BBX: variants seen among roughly 807,000 people sequenced by gnomAD.
BBX encodes BBX high mobility group box domain containing.
A neutral mutation model predicts 100.2 loss-of-function variants in BBX; 30 were observed. The ratio of observed to expected loss-of-function variants is 0.30; its 90% CI spans 0.22 to 0.41. The LOEUF (loss-of-function observed/expected upper bound fraction) is 0.41, where lower values mean the gene tolerates loss of function less well. Ranked by LOEUF, BBX falls within the 10% of genes least tolerant of loss-of-function variation. The pLI, the probability that BBX is intolerant of heterozygous loss-of-function variation, is 1.00. For synonymous variants in BBX, 376 were observed against 388.1 expected, an observed-to-expected ratio of 0.97 and a Z score of 0.37; for missense variants, 1,023 against 1,129.8, an observed-to-expected ratio of 0.91 and a Z score of 1.35.
At chr3:107,768,556 C>T (rs2066581955) in intron 10 of BBX, among the ~76,000 whole-genome samples, 1 of 151,982 alleles carries the variant, frequency 6.6e-6, no homozygotes, top group Admixed American at 6.6e-5. Flanking sequence ...GTATAATACA[C>T]AGATGGAAGA....
intron 2 of BBX, among the ~76,000 whole-genome samples, chr3:107,605,076 A>G (rs980752468): frequency 8.5e-5 from 13 of 152,346 alleles, no homozygotes; most frequent in East Asian, 5.8e-4. Flanking sequence ...CACAATCAAA[A>G]TACATGATAA....
At chr3:107,710,764 T>C in intron 4 of BBX, 142 bp downstream of exon 4, 2 of 758,276 alleles carry the variant, frequency 2.6e-6, no homozygotes, top group Non-Finnish European at 4.1e-6. Flanking sequence ...TTAGTTTACA[T>C]TTTTATTCCA....
At chr3:107,560,828 TA>T (rs1488143370) in intron 2 of BBX, among the ~76,000 whole-genome samples, 1 of 152,158 alleles carries the variant, frequency 6.6e-6, no homozygotes, top group Non-Finnish European at 1.5e-5. Context: ...CGGGAATAGC[TA>T]GGAGGGAGGT....
At chr3:107,643,880 G>A (rs1412006628) in intron 2 of BBX, among the ~76,000 whole-genome samples, 1 of 152,120 alleles carries the variant, frequency 6.6e-6, no homozygotes, top group East Asian at 1.9e-4. Context: ...GCCTGTGATA[G>A]ACTTATCACA....
At chr3:107,670,619 G>GA (rs2058970540) in intron 3 of BBX, among the ~76,000 whole-genome samples, 1 of 152,018 alleles carries the variant, frequency 6.6e-6, no homozygotes, top group Non-Finnish European at 1.5e-5. Context: ...GAATGTTTAG[G>GA]AAAGAAGAGT....
chr3:107,683,042 G>C (rs1360933499), intron 3 of BBX, among the ~76,000 whole-genome samples: 1 of 152,122 alleles, frequency 6.6e-6, no homozygotes. Flanking sequence ...AAAAATATCA[G>C]TCAATGCATA....
At chr3:107,631,711 A>T (rs1157679116) in intron 2 of BBX, among the ~76,000 whole-genome samples, 1 of 152,124 alleles carries the variant, frequency 6.6e-6, no homozygotes, top group Non-Finnish European at 1.5e-5. Flanking sequence ...CAACCTGATG[A>T]CATTTCAGTT....
At chr3:107,608,082 C>T (rs1452247377) in intron 2 of BBX, among the ~76,000 whole-genome samples, 3 of 151,924 alleles carry the variant, frequency 2.0e-5, no homozygotes, top group African/African-American at 4.8e-5. Context: ...CCCATCTGTC[C>T]GTTTTCTCTT....
intron 7 of BBX, 142 bp downstream of exon 7, chr3:107,733,165 C>T: frequency 1.4e-6 from 1 of 739,980 alleles, no homozygotes; most frequent in Non-Finnish European, 2.1e-6. Flanking sequence ...TAAGATCTTT[C>T]TGTGTGTCTT....
In BBX at chr3:107,733,003, C is replaced by T. The variant is rs1472031180; in HGVS notation, c.649C>T (p.His217Tyr). Residue 217 changes from histidine (H) to tyrosine (Y), a missense_variant, in exon 7 of 18, where the codon CAT (histidine) becomes TAT (tyrosine). Physicochemically the swap from His to Tyr is moderately conservative, Grantham distance 83. This residue lies in a region of BBX where 95 missense variants were observed against 95.1 expected (regional missense o/e 1.00). Coordinates refer to ENST00000325805, the MANE Select transcript of BBX (RefSeq NM_001142568.3). Reference protein sequence around the residue: ...GLSMLLLAGEHALGTPEVSSG... With the variant: ...GLSMLLLAGEYALGTPEVSSG... ...GAGTATGCTGCTGTTAGCTGGAGAA[C>T]ATGCTCTTGGCACACCAGAGGTAAG... is the stretch of plus-strand genomic sequence containing the variant. The T allele has an allele frequency of 6.2e-7, 1 of 1,613,164 alleles. No individual in the cohort carries two copies. Among genetic ancestry groups the T allele is most frequent in the Admixed American group, 1.7e-5 (1 of 59,900 alleles).
chr3:107,678,733 A>G (rs1210122978), intron 3 of BBX, among the ~76,000 whole-genome samples: 1 of 151,646 alleles, frequency 6.6e-6, no homozygotes, highest in Admixed American at 6.6e-5. Flanking sequence ...TCTCAAGAAG[A>G]AAAAAAAAGT....
chr3:107,590,404 A>T (rs2053220013), intron 2 of BBX, among the ~76,000 whole-genome samples: 1 of 152,198 alleles, frequency 6.6e-6, no homozygotes, highest in Admixed American at 6.5e-5. Flanking sequence ...TTGCAAATCT[A>T]TGTATTTTGA....
intron 2 of BBX, among the ~76,000 whole-genome samples, chr3:107,619,278 G>A (rs1330007054): frequency 6.6e-6 from 1 of 151,950 alleles, no homozygotes; most frequent in Non-Finnish European, 1.5e-5. Context: ...CATTATATTT[G>A]AAGTAAGTTT....
intron 8 of BBX, among the ~76,000 whole-genome samples, chr3:107,744,998 CT>C (rs2064450365): frequency 6.6e-6 from 1 of 152,148 alleles, no homozygotes; most frequent in African/African-American, 2.4e-5. Context: ...TATTGAATTA[CT>C]ATTAGAATTT....
chr3:107,757,393 G>A (rs1253978376), intron 10 of BBX, among the ~76,000 whole-genome samples: 1 of 152,040 alleles, frequency 6.6e-6, no homozygotes, highest in East Asian at 1.9e-4. Flanking sequence ...AGATGCTATG[G>A]TTTAACAGAT....
intron 2 of BBX, among the ~76,000 whole-genome samples, chr3:107,640,440 C>A (rs1482398974): frequency 6.6e-6 from 1 of 152,158 alleles, no homozygotes; most frequent in African/African-American, 2.4e-5. Context: ...TCCTGTCTGT[C>A]TGTATTCCCA....
At chr3:107,729,979 T>A (rs2063206498) in intron 6 of BBX, among the ~76,000 whole-genome samples, 2 of 152,248 alleles carry the variant, frequency 1.3e-5, no homozygotes, top group South Asian at 4.1e-4. Context: ...CCTGGCTACT[T>A]GGGAGGCTGA....
At chr3:107,583,957 ATATATATTATATATATTATTATATTAT>A (rs2052489586) in intron 2 of BBX, among the ~76,000 whole-genome samples, 3 of 80,960 alleles carry the variant, frequency 3.7e-5, no homozygotes, top group Non-Finnish European at 6.6e-5. Context: ...TTATTATATT[ATATATATTATATATATTATTATATTAT>A]TATATATTAT....
intron 2 of BBX, among the ~76,000 whole-genome samples, chr3:107,568,844 TC>T (rs1468868612): frequency 2.0e-5 from 3 of 152,210 alleles, no homozygotes; most frequent in Admixed American, 6.5e-5. Flanking sequence ...AAGTTTCATT[TC>T]CAGGACTCAA....
Sources: gnomAD v4.1 joint callset for allele counts (sites outside exome capture counted in the v4.1 genomes callset) on GRCh38, gnomAD v4.1.1 for gene constraint, gnomAD v4.1.1 regional missense constraint, MANE v1.5 for transcripts, NCBI Gene and HGNC (gene_info 2026-07-23, HGNC 2026-07-21) for gene names.